The following ADAMTSL1 variants were observed in gnomAD, a reference collection of about 807,000 sequenced individuals.
ADAMTSL1 encodes the protein ADAMTS like 1, also known as ADAMTS-like protein 1.
Under a neutral mutation model 201.8 loss-of-function variants are expected in ADAMTSL1, and 126 were observed. That is an observed-to-expected ratio of 0.62 (90% CI 0.54 to 0.72). The LOEUF is 0.72. ADAMTSL1 is among the 30% of genes least tolerant of loss of function. The pLI is 0.00. For missense variants in ADAMTSL1, 2,679 were observed against 2,277.8 expected, an observed-to-expected ratio of 1.18 and a Z score of -3.59; for synonymous variants, 1,121 against 903.4, an observed-to-expected ratio of 1.24 and a Z score of -4.32.
rs116796631 is a variant in ADAMTSL1 at position 17,931,538 on chromosome 9, A to G, written c.87+24616A>G. 3.5e-3 allele frequency among the ~76,000 whole-genome samples: 528 copies of G among 152,314 alleles called. 6 individuals carry two copies. The highest frequency in any genetic ancestry group is 0.012 in the African/African-American group (494 of 41,582). On this transcript the variant is annotated intron_variant, in intron 1 of 29. Coordinates refer to the ADAMTSL1 transcript ENST00000680146. ...CATTTAAACTCTAAAATTTCAAAGA[A>G]GTTAGTTTGCAAATTGGTTGTTTTT...
chr9:18,393,583 T>C (rs1413163711), intron 2 of ADAMTSL1, among the ~76,000 whole-genome samples: 4 of 152,228 alleles, frequency 2.6e-5, no homozygotes, highest in Non-Finnish European at 5.9e-5. Flanking sequence ...TCATTGAGGT[T>C]GGCTCCCAAC....
At chr9:18,839,792 T>C (rs1825592464) in intron 23 of ADAMTSL1, among the ~76,000 whole-genome samples, 2 of 152,122 alleles carry the variant, frequency 1.3e-5, no homozygotes, top group South Asian at 4.2e-4. Flanking sequence ...CCAGTGATGG[T>C]GAGCATTTTT....
At chr9:18,063,424 A>T (rs932146222) in intron 1 of ADAMTSL1, among the ~76,000 whole-genome samples, 1 of 152,264 alleles carries the variant, frequency 6.6e-6, no homozygotes, top group Admixed American at 6.5e-5. Flanking sequence ...TTTAGAAACC[A>T]AGAGGAAAAT....
intron 2 of ADAMTSL1, among the ~76,000 whole-genome samples, chr9:18,223,598 T>G (rs1188719388): frequency 6.6e-6 from 1 of 152,158 alleles, no homozygotes; most frequent in East Asian, 1.9e-4. Flanking sequence ...TTCAATTTGT[T>G]TATTTTTCAA....
chr9:18,536,294 G>C (rs148632369), intron 3 of ADAMTSL1, among the ~76,000 whole-genome samples: 16 of 152,024 alleles, frequency 1.1e-4, no homozygotes, highest in Non-Finnish European at 1.3e-4. Context: ...TTAATCCCTG[G>C]ACAGCTTCCT....
At chr9:18,798,095 GAAAAA>G (rs35077159) in intron 20 of ADAMTSL1, among the ~76,000 whole-genome samples, 1 of 141,898 alleles carries the variant, frequency 7.0e-6, no homozygotes, top group Non-Finnish European at 1.5e-5. Flanking sequence ...GGCCAAAGAG[GAAAAA>G]AAAAAAAAAC....
rs1401610721 is a variant in ADAMTSL1 at position 18,910,380 on chromosome 9, CA to C, written c.*1836del. On this transcript the variant is annotated 3_prime_UTR_variant, in exon 29 of 29. Transcript: ENST00000380548. ...ATAATTGTACATTGTCATCCAGAAA[CA>C]AAACTATTGGGGGGACTTTATTAAC... The C allele has an allele frequency of 1.3e-5, 2 of 152,132 alleles. No homozygotes were observed. Among genetic ancestry groups the C allele is most frequent in the African/African-American group, 4.8e-5 (2 of 41,426 alleles). 9.4% of individuals were successfully genotyped at this position (152,132 alleles called of 1,614,324 possible).
intron 2 of ADAMTSL1, among the ~76,000 whole-genome samples, chr9:18,218,506 TAA>T (rs1830135255): frequency 6.6e-6 from 1 of 152,198 alleles, no homozygotes; most frequent in South Asian, 2.1e-4. Flanking sequence ...AGTAAACTGA[TAA>T]AGTCTTTCTT....
intron 3 of ADAMTSL1, among the ~76,000 whole-genome samples, chr9:18,556,183 T>C (rs75132518): frequency 0.05 from 7,619 of 151,914 alleles, 275 homozygotes; most frequent in African/African-American, 0.11. Flanking sequence ...CCAGAAGTAA[T>C]TGTCCACTTT....
intron 23 of ADAMTSL1, among the ~76,000 whole-genome samples, chr9:18,853,217 T>C (rs1382514991): frequency 2.0e-5 from 3 of 152,116 alleles, no homozygotes; most frequent in African/African-American, 7.2e-5. Flanking sequence ...CATCTCTCCA[T>C]GTGTGACTGC....
chr9:18,374,134 CA>C (rs1388593387), intron 2 of ADAMTSL1, among the ~76,000 whole-genome samples: 1 of 152,054 alleles, frequency 6.6e-6, no homozygotes, highest in Non-Finnish European at 1.5e-5. Context: ...AAAAGCTATC[CA>C]AATGAGCCTA....
intron 15 of ADAMTSL1, among the ~76,000 whole-genome samples, chr9:18,743,374 T>C (rs1163143359): frequency 1.3e-5 from 2 of 152,238 alleles, no homozygotes; most frequent in East Asian, 3.8e-4. Context: ...GGTAAATGTA[T>C]ATCTTGCTGC....
At chr9:17,955,229 C>T (rs1827885908) in intron 1 of ADAMTSL1, among the ~76,000 whole-genome samples, 1 of 152,104 alleles carries the variant, frequency 6.6e-6, no homozygotes, top group Non-Finnish European at 1.5e-5. Flanking sequence ...TCTCTGTGGC[C>T]TTACGGTTTT....
chr9:18,292,329 A>G (rs1256706126), intron 2 of ADAMTSL1, among the ~76,000 whole-genome samples: 1 of 152,122 alleles, frequency 6.6e-6, no homozygotes, highest in Non-Finnish European at 1.5e-5. Context: ...GGTAGCTGGA[A>G]TGGGTACGAT....
At chr9:18,139,296 C>A (rs1193646898) in intron 1 of ADAMTSL1, among the ~76,000 whole-genome samples, 1 of 152,144 alleles carries the variant, frequency 6.6e-6, no homozygotes, top group African/African-American at 2.4e-5. Context: ...CAGAGGAGGG[C>A]ACATGGCAGC....
At chr9:18,320,773 A>C (rs1345603083) in intron 2 of ADAMTSL1, among the ~76,000 whole-genome samples, 1 of 152,142 alleles carries the variant, frequency 6.6e-6, no homozygotes, top group Non-Finnish European at 1.5e-5. Flanking sequence ...GAAGAAGTAT[A>C]ATATTAATTC....
upstream of ADAMTSL1, among the ~76,000 whole-genome samples, chr9:18,469,233 G>A (rs1201765672): frequency 6.6e-6 from 1 of 152,082 alleles, no homozygotes; most frequent in African/African-American, 2.4e-5. Flanking sequence ...AATTCTCATG[G>A]CCCTTTGCTT....
intron 2 of ADAMTSL1, among the ~76,000 whole-genome samples, chr9:18,517,259 CT>C (rs1225647272): frequency 1.3e-5 from 2 of 152,116 alleles, no homozygotes; most frequent in Non-Finnish European, 2.9e-5. Context: ...GCCCCCACCC[CT>C]AGCCATCTTT....
chr9:17,956,796 G>C (rs959046942), intron 1 of ADAMTSL1, among the ~76,000 whole-genome samples: 3 of 152,158 alleles, frequency 2.0e-5, no homozygotes, highest in African/African-American at 7.2e-5. Context: ...TAAGAAGTTT[G>C]TTAATAGCAA....
Sources: gnomAD v4.1 joint callset for allele counts (sites outside exome capture counted in the v4.1 genomes callset) on GRCh38, gnomAD v4.1.1 for gene constraint, MANE v1.5 for transcripts, NCBI Gene and HGNC (gene_info 2026-07-23, HGNC 2026-07-21) for gene names.